PSMA3: variants seen among roughly 807,000 people sequenced by gnomAD.
The protein encoded by PSMA3 is proteasome subunit alpha type-3.
PSMA3 carries 8 observed loss-of-function variants against 40.0 expected under a neutral mutation model. The observed-to-expected ratio is 0.20, with a 90% CI of 0.12 to 0.36. The LOEUF (loss-of-function observed/expected upper bound fraction) is 0.36. Among genes scored for constraint, PSMA3 ranks in the 10% least tolerant of loss-of-function variants. The pLI, the probability that PSMA3 is intolerant of heterozygous loss-of-function variation, is 1.00. For synonymous variants in PSMA3, 110 were observed against 100.0 expected (o/e 1.10, Z -0.59); for missense variants, 219 against 310.6 (o/e 0.70, Z 2.22).
chr14:58,260,965 A>G lies in PSMA3; in HGVS notation c.422A>G (p.Tyr141Cys). ...PFGCSFMLGS[Y>C]SVNDGAQLYM... The stretch of plus-strand genomic sequence containing the variant: ...TCATGCAGTTTCATGTTAGGGTCTT[A>G]CAGTGTGAATGACGGTGCGCAACTC... Residue 141 changes from tyrosine (Y) to cysteine (C), a missense_variant, in exon 6 of 11, where the codon TAC becomes TGC. Tyr to Cys is a radical substitution (Grantham distance 194, BLOSUM62 -2). Transcript: ENST00000216455. The G allele has an allele frequency of 6.2e-7, 1 of 1,612,414 alleles. No individual in the cohort carries two copies. Among genetic ancestry groups the G allele is most frequent in the Admixed American group, 1.7e-5 (1 of 59,974 alleles).
At chr14:58,261,287 G>C (rs958287439) in intron 6 of PSMA3, among the ~76,000 whole-genome samples, 4 of 151,624 alleles carry the variant, frequency 2.6e-5, no homozygotes, top group Non-Finnish European at 4.4e-5. Flanking sequence ...GGTTCAAACA[G>C]TTCTTCTGCC....
At chr14:58,248,593 T>C (rs1025087951) in intron 2 of PSMA3, among the ~76,000 whole-genome samples, 2 of 152,152 alleles carry the variant, frequency 1.3e-5, no homozygotes, top group Non-Finnish European at 2.9e-5. Flanking sequence ...AAGTCAGATT[T>C]ATGCAAATAT....
At chr14:58,256,565 A>C (rs2140085865) in intron 3 of PSMA3, among the ~76,000 whole-genome samples, 1 of 151,444 alleles carries the variant, frequency 6.6e-6, no homozygotes, top group East Asian at 2.0e-4. Context: ...AGGTGCCTGC[A>C]ACCACGCCTG....
At chr14:58,264,619 CTAAT>C (rs1489454487) in intron 7 of PSMA3, 3 of 152,226 alleles carry the variant, frequency 2.0e-5, no homozygotes, top group South Asian at 2.1e-4. Flanking sequence ...CCCTGCTCAA[CTAAT>C]TACTCATTCA....
chr14:58,271,065 G>C (rs1413453911), intron 10 of PSMA3, 67 bp downstream of exon 10: 8 of 1,224,906 alleles, frequency 6.5e-6, no homozygotes, highest in South Asian at 2.9e-5. Context: ...CCAGGAGTTT[G>C]AGACCAGCCT....
chr14:58,263,969 T>C (rs192502066), intron 7 of PSMA3, among the ~76,000 whole-genome samples, 199 bp downstream of exon 7: 1 of 152,268 alleles, frequency 6.6e-6, no homozygotes, highest in East Asian at 1.9e-4. Flanking sequence ...TACGAATTTG[T>C]GTTTGGCCCC....
At chr14:58,263,854 AG>A (rs1158434186) in intron 7 of PSMA3, 84 bp downstream of exon 7, 1 of 1,255,378 alleles carries the variant, frequency 8.0e-7, no homozygotes, top group Non-Finnish European at 1.2e-6. Flanking sequence ...AGTCTAAGGC[AG>A]GGATGTCCAA....
intron 2 of PSMA3, among the ~76,000 whole-genome samples, chr14:58,248,059 A>C (rs925773456): frequency 2.0e-5 from 3 of 151,952 alleles, no homozygotes; most frequent in African/African-American, 7.3e-5. Context: ...AGAGTGTATA[A>C]ATCACATTCA....
In PSMA3 at chr14:58,248,262, C is replaced by G. The variant is rs1442715445; in HGVS notation, c.104+430C>G. On this transcript the variant is annotated intron_variant, in intron 2 of 10. Transcript: ENST00000216455. Reference sequence around the variant, plus strand: ...TTTCTGTTTTGAGACCTGAGTCTCACTCTGTCACCTAGGCTAGAGTGCAGT... The same window carrying G: ...TTTCTGTTTTGAGACCTGAGTCTCAGTCTGTCACCTAGGCTAGAGTGCAGT... Among the ~76,000 whole-genome samples the G allele has an allele frequency of 2.0e-5, 3 of 152,220 alleles. No individual in the cohort carries two copies. In the South Asian group the frequency reaches 6.2e-4, roughly 32 times the overall value.
In PSMA3 at chr14:58,252,146, T is replaced by C; in HGVS notation, c.132T>C (p.Asp44=). The C allele has an allele frequency of 1.9e-6, 3 of 1,612,572 alleles. No individual in the cohort carries two copies. The highest frequency in any genetic ancestry group is 2.5e-6 in the Non-Finnish European group (3 of 1,179,428). The change falls in exon 3 of 11, where the codon GAT becomes GAC. Residue 44 remains aspartate (D), a synonymous_variant. Transcript: ENST00000216455. ...SSTAIGIRCK[D]GVVFGVEKLV... is the part of the protein sequence containing the mutation. Reference sequence around the variant, plus strand: ...CAGCTATTGGAATCAGATGCAAAGATGGTGTTGTCTTTGGGGTAGAAAAAT... The same window carrying C: ...CAGCTATTGGAATCAGATGCAAAGACGGTGTTGTCTTTGGGGTAGAAAAAT...
At chr14:58,263,360 CTTTA>C (rs1470422588) in intron 6 of PSMA3, among the ~76,000 whole-genome samples, 3 of 152,104 alleles carry the variant, frequency 2.0e-5, no homozygotes, top group Non-Finnish European at 2.9e-5. Context: ...TAGGAATTAA[CTTTA>C]TTTCTGTCTC....
At chr14:58,262,389 A>G (rs1455576015) in intron 6 of PSMA3, among the ~76,000 whole-genome samples, 1 of 152,074 alleles carries the variant, frequency 6.6e-6, no homozygotes, top group African/African-American at 2.4e-5. Flanking sequence ...TATTTTCAGT[A>G]GAGACGAGGT....
At chr14:58,249,544 G>T (rs996496575) in intron 2 of PSMA3, among the ~76,000 whole-genome samples, 1 of 151,446 alleles carries the variant, frequency 6.6e-6, no homozygotes, top group Non-Finnish European at 1.5e-5. Flanking sequence ...ATAGGATCTC[G>T]CTTTGTCACC....
At chr14:58,264,064 T>C (rs1031811939) in intron 7 of PSMA3, among the ~76,000 whole-genome samples, 1 of 152,226 alleles carries the variant, frequency 6.6e-6, no homozygotes, top group South Asian at 2.1e-4. Context: ...AGTCACTGAA[T>C]GGGAAAGCTG....
intron 6 of PSMA3, among the ~76,000 whole-genome samples, 171 bp downstream of exon 6, chr14:58,261,191 T>TC (rs914402913): frequency 2.0e-5 from 3 of 152,058 alleles, no homozygotes; most frequent in Non-Finnish European, 4.4e-5. Flanking sequence ...TTTTTTTTTT[T>TC]TCCTTTTTGG....
chr14:58,271,432 C>A (rs950217789), intron 10 of PSMA3, among the ~76,000 whole-genome samples: 3 of 147,694 alleles, frequency 2.0e-5, no homozygotes, highest in African/African-American at 7.6e-5. Context: ...AGGGTTCAAG[C>A]GATCCTCCTG....
chr14:58,252,350 G>A (rs1352772003), intron 3 of PSMA3, 108 bp downstream of exon 3: 2 of 1,368,514 alleles, frequency 1.5e-6, no homozygotes, highest in East Asian at 2.4e-5. Flanking sequence ...GCAAGTTACT[G>A]CATTTGTCCA....
intron 7 of PSMA3, 137 bp downstream of exon 7, chr14:58,263,907 T>A: frequency 1.4e-6 from 1 of 694,026 alleles, no homozygotes; most frequent in Non-Finnish European, 2.5e-6. Context: ...ACACCAACAC[T>A]AATGATAGCT....
chr14:58,261,097 T>C, intron 6 of PSMA3, 77 bp downstream of exon 6: 1 of 976,658 alleles, frequency 1.0e-6, no homozygotes, highest in South Asian at 1.6e-5. Flanking sequence ...CATTATAAGA[T>C]TATATGAAAT....
Sources: allele counts gnomAD v4.1 joint callset (sites outside exome capture counted in the v4.1 genomes callset), GRCh38; gene constraint gnomAD v4.1.1; transcripts MANE v1.5; gene names NCBI Gene and HGNC (gene_info 2026-07-23, HGNC 2026-07-21).